The following TARBP1 variants were observed in gnomAD, a reference collection of about 807,000 sequenced individuals.
TARBP1 encodes the protein tRNA guanosine 2 -O-methyltransferase TARBP1, also known as tRNA (guanosine(18)-2'-O)-methyltransferase TARBP1.
Under a neutral mutation model 178.6 loss-of-function variants are expected in TARBP1, and 144 were observed. That is an observed-to-expected ratio of 0.81 (90% CI 0.70 to 0.93). TARBP1 has a LOEUF of 0.93. TARBP1 is among the 40% of genes least tolerant of loss of function. The pLI is 0.00. For synonymous variants in TARBP1, 787 were observed against 781.0 expected (o/e 1.01, Z -0.13); for missense variants, 2,067 against 2,011.7 (o/e 1.03, Z -0.53).
chr1:234,476,026 T>C (rs1350702554), intron 1 of TARBP1, among the ~76,000 whole-genome samples: 1 of 143,304 alleles, frequency 7.0e-6, no homozygotes, highest in Non-Finnish European at 1.5e-5. Context: ...TAGTAAGACA[T>C]AAAAAAAAGC....
chr1:234,458,530 C>T (rs571381630), intron 8 of TARBP1, among the ~76,000 whole-genome samples: 5 of 152,200 alleles, frequency 3.3e-5, no homozygotes, highest in Admixed American at 6.5e-5. Context: ...ATATAGCCAA[C>T]GCCTGTTTAT....
At chr1:234,475,604 C>A (rs557590549) in intron 1 of TARBP1, among the ~76,000 whole-genome samples, 1 of 152,204 alleles carries the variant, frequency 6.6e-6, no homozygotes, top group East Asian at 1.9e-4. Flanking sequence ...TTGGAGGCAA[C>A]GATTATTGCC....
intron 1 of TARBP1, among the ~76,000 whole-genome samples, chr1:234,474,530 CTG>C (rs915194844): frequency 6.6e-6 from 1 of 152,138 alleles, no homozygotes; most frequent in African/African-American, 2.4e-5. Context: ...CCTATCAAAA[CTG>C]TGAAATTTCA....
chr1:234,467,423 T>A, intron 4 of TARBP1, 79 bp downstream of exon 4: 1 of 1,307,764 alleles, frequency 7.6e-7, no homozygotes, highest in Non-Finnish European at 1.0e-6. Flanking sequence ...AAATGTTACT[T>A]GCTGATACAG....
intron 14 of TARBP1, among the ~76,000 whole-genome samples, chr1:234,430,919 G>A (rs1228540846): frequency 2.6e-5 from 4 of 152,164 alleles, no homozygotes; most frequent in Admixed American, 6.5e-5. Flanking sequence ...AATGGGGACA[G>A]TAACAGAATC....
At chr1:234,462,039 T>C (rs1318951644) in intron 6 of TARBP1, among the ~76,000 whole-genome samples, 1 of 152,236 alleles carries the variant, frequency 6.6e-6, no homozygotes, top group Non-Finnish European at 1.5e-5. Context: ...ACTAAATAAC[T>C]GTGAATGAAT....
chr1:234,424,575 A>G (rs1035586783), intron 20 of TARBP1, among the ~76,000 whole-genome samples: 1 of 152,160 alleles, frequency 6.6e-6, no homozygotes, highest in African/African-American at 2.4e-5. Flanking sequence ...CCATTTTCTC[A>G]GTTTTTACTT....
At chr1:234,470,503 G>A (rs975808872) in intron 3 of TARBP1, among the ~76,000 whole-genome samples, 1 of 152,084 alleles carries the variant, frequency 6.6e-6, no homozygotes, top group African/African-American at 2.4e-5. Context: ...GGTGGTAGGT[G>A]CGTCACACAC....
intron 2 of TARBP1, 80 bp downstream of exon 2, chr1:234,472,634 T>C (rs1669180834): frequency 1.1e-6 from 1 of 917,384 alleles, no homozygotes; most frequent in Non-Finnish European, 1.7e-6. Context: ...TTAGTCTCTT[T>C]GTATCGCTTT....
chr1:234,434,244 A>T (rs2103148151), intron 13 of TARBP1, among the ~76,000 whole-genome samples: 1 of 152,350 alleles, frequency 6.6e-6, no homozygotes, highest in South Asian at 2.1e-4. Flanking sequence ...ATATAGAGAT[A>T]GTAATATTTA....
chr1:234,469,906 A>ATT (rs1668869105), intron 3 of TARBP1, among the ~76,000 whole-genome samples: 1 of 152,376 alleles, frequency 6.6e-6, no homozygotes, highest in East Asian at 1.9e-4. Flanking sequence ...AAAACTTAAG[A>ATT]AACACTGGAA....
At position 234,478,617 on chromosome 1, in the gene TARBP1, C is replaced by A. The variant is rs1229527953; in HGVS notation, c.487G>T (p.Val163Leu). Reference sequence around the variant, plus strand: ...GCCAGGGCGACGGCGGTCCCCGCCACGCGCTCCAGTAGCGGCCCGTCCTCG... The same window carrying A: ...GCCAGGGCGACGGCGGTCCCCGCCAAGCGCTCCAGTAGCGGCCCGTCCTCG... ...PREDGPLLER[V>L]AGTAVALALG... The change falls in exon 1 of 30, where the codon GTG becomes TTG. Residue 163 changes from valine to leucine, a missense_variant. Coordinates refer to ENST00000040877, the MANE Select transcript of TARBP1 (RefSeq NM_005646.4). 10 of 1,305,532 alleles carry A rather than the reference C, an allele frequency of 7.7e-6. No homozygotes were observed. Among genetic ancestry groups the A allele is most frequent in the African/African-American group, 3.1e-5 (2 of 63,976 alleles). 80.9% of individuals were successfully genotyped at this position (1,305,532 alleles called of 1,614,324 possible). A position where few individuals can be genotyped will look rare whatever the true frequency, so the allele number is the denominator to read the frequency against.
intron 26 of TARBP1, among the ~76,000 whole-genome samples, chr1:234,395,053 A>G (rs1306712221): frequency 1.3e-5 from 2 of 151,188 alleles, no homozygotes; most frequent in African/African-American, 4.9e-5. Context: ...GCGAAACCCC[A>G]TCTCTACTAA....
At chr1:234,471,067 T>A (rs1669003561) in intron 3 of TARBP1, 121 bp downstream of exon 3, 1 of 722,516 alleles carries the variant, frequency 1.4e-6, no homozygotes, top group African/African-American at 1.8e-5. Flanking sequence ...ACAAGATGAT[T>A]ATATTTTCTT....
At chr1:234,394,276 T>TA (rs1204439601) in intron 26 of TARBP1, among the ~76,000 whole-genome samples, 8 of 152,226 alleles carry the variant, frequency 5.3e-5, no homozygotes, top group Non-Finnish European at 8.8e-5. Context: ...ATAAAATATC[T>TA]AAAATAATTT....
At position 234,398,437 on chromosome 1, in the gene TARBP1, A is replaced by C. The variant is rs145933449; in HGVS notation, c.4188T>G (p.Leu1396=). ...TTAGTTTACTAAGTTGAGTTTGAGA[A>C]AGGTACCACTGAAATCCCGCAGCTA... The part of the protein sequence containing the change: ...VPLAAGFQWY[L]SQTQLSKLKP... The change falls in exon 26 of 30, where the codon CTT becomes CTG. Residue 1396 remains leucine (L), a synonymous_variant. Coordinates refer to ENST00000040877, the MANE Select transcript of TARBP1 (RefSeq NM_005646.4). 22 of 1,611,750 alleles carry C rather than the reference A, an allele frequency of 1.4e-5. No individual in the cohort carries two copies. The African/African-American group carries it at 2.8e-4, about 21-fold the overall frequency.
rs1194981998 is a variant in TARBP1, at chr1:234,398,517, T to C, written c.4108A>G (p.Ile1370Val). The C allele has an allele frequency of 6.2e-7, 1 of 1,609,272 alleles. No homozygotes were observed. The highest frequency in any genetic ancestry group is 8.5e-7 in the Non-Finnish European group (1 of 1,176,976). Residue 1370 changes from isoleucine to valine, a missense_variant, in exon 26 of 30, where the codon ATT (isoleucine) becomes GTT (valine). Physicochemically the swap from Ile to Val is conservative, Grantham distance 29. Coordinates refer to ENST00000040877, the MANE Select transcript of TARBP1 (RefSeq NM_005646.4). ...FYILPRLSGLIEDEWITIDKF... is the reference protein window; with the variant it reads ...FYILPRLSGLVEDEWITIDKF... ...TCAATGGTGATCCATTCATCTTCAA[T>C]AAGGCCTGAAAGGCGTGGAAGGATG... is the stretch of plus-strand genomic sequence containing the variant.
chr1:234,419,099 G>C (rs993940635), intron 21 of TARBP1, among the ~76,000 whole-genome samples: 4 of 152,140 alleles, frequency 2.6e-5, no homozygotes, highest in Admixed American at 1.3e-4. Flanking sequence ...GTGAACCCTG[G>C]GGGGCGGAGC....
chr1:234,452,083 C>G (rs1351968830), intron 9 of TARBP1, among the ~76,000 whole-genome samples: 1 of 152,102 alleles, frequency 6.6e-6, no homozygotes, highest in East Asian at 1.9e-4. Context: ...CAACTAAACT[C>G]TAATTCATAT....
Sources: gnomAD v4.1 joint callset for allele counts (sites outside exome capture counted in the v4.1 genomes callset) on GRCh38, gnomAD v4.1.1 for gene constraint, MANE v1.5 for transcripts, NCBI Gene and HGNC (gene_info 2026-07-23, HGNC 2026-07-21) for gene names.